PRKN: variants seen among roughly 807,000 people sequenced by gnomAD.
The protein encoded by PRKN is parkin RBR E3 ubiquitin protein ligase.
Under a neutral mutation model 59.5 loss-of-function variants are expected in PRKN, and 56 were observed. The observed-to-expected ratio is 0.94, with a 90% CI of 0.76 to 1.18. PRKN has a LOEUF of 1.18. PRKN is among the 50% of genes most tolerant of loss of function. PRKN has a pLI of 0.00. For synonymous variants in PRKN, 250 were observed against 222.1 expected (o/e 1.13, Z -1.12); for missense variants, 657 against 596.4 (o/e 1.10, Z -1.06).
At chr6:161,643,147 T>G (rs1783802410) in intron 7 of PRKN, among the ~76,000 whole-genome samples, 1 of 152,236 alleles carries the variant, frequency 6.6e-6, no homozygotes, top group Non-Finnish European at 1.5e-5. Context: ...TCTTTGCAAA[T>G]CACTCAACTT....
chr6:162,253,292 T>C (rs777991362), intron 3 of PRKN, among the ~76,000 whole-genome samples: 1 of 151,824 alleles, frequency 6.6e-6, no homozygotes, highest in Non-Finnish European at 1.5e-5. Context: ...TCTAATCTAA[T>C]CTAATCTAAT....
intron 6 of PRKN, among the ~76,000 whole-genome samples, chr6:161,825,274 C>T (rs1467268178): frequency 2.6e-5 from 4 of 152,112 alleles, no homozygotes; most frequent in African/African-American, 9.7e-5. Context: ...TTCCTGGTAT[C>T]TACTGAATTT....
intron 6 of PRKN, among the ~76,000 whole-genome samples, chr6:161,936,288 C>A (rs1380454833): frequency 6.7e-6 from 1 of 150,368 alleles, no homozygotes; most frequent in East Asian, 2.0e-4. Context: ...CGGCTCATTG[C>A]ACCACCACCT....
intron 1 of PRKN, among the ~76,000 whole-genome samples, chr6:162,710,374 A>AACATACACACACAC (rs1554264174): frequency 8.0e-6 from 1 of 125,242 alleles, no homozygotes; most frequent in South Asian, 2.7e-4. Flanking sequence ...ACCCCCTACA[A>AACATACACACACAC]ACACACACAC....
intron 1 of PRKN, among the ~76,000 whole-genome samples, chr6:162,445,561 G>A (rs571176633): frequency 6.6e-4 from 100 of 151,444 alleles, no homozygotes; most frequent in African/African-American, 2.3e-3. Flanking sequence ...GCGTGGTGGC[G>A]TGCACTTGCA....
intron 1 of PRKN, among the ~76,000 whole-genome samples, chr6:162,606,217 TA>T (rs1781907100): frequency 6.6e-6 from 1 of 152,160 alleles, no homozygotes; most frequent in Non-Finnish European, 1.5e-5. Flanking sequence ...TACATCCCAA[TA>T]AACCCAATAA....
At position 161,423,598 on chromosome 6, in the gene PRKN, C is replaced by G. The variant is rs539725441; in HGVS notation, c.1084-36721G>C. On this transcript the variant is annotated intron_variant, in intron 9 of 11. Transcript: ENST00000366898. This position sits in a 1 kb window ranked among gnomAD's most constrained non-coding sequence, Gnocchi z 5.9. ...ACAGATTTAGATGACTTGTCAATCC[C>G]AAGCTGGAATTCATAAAATTGGCTG... 6.6e-6 allele frequency among the ~76,000 whole-genome samples: 1 copy of G among 152,242 alleles called. No individual in the cohort carries two copies. Among genetic ancestry groups the G allele is most frequent in the Non-Finnish European group, 1.5e-5 (1 of 68,024 alleles).
chr6:161,496,626 A>G (rs958588750), intron 9 of PRKN, among the ~76,000 whole-genome samples: 1 of 152,218 alleles, frequency 6.6e-6, no homozygotes, highest in African/African-American at 2.4e-5. Context: ...CACCCCCATG[A>G]TTCAATTATC....
At chr6:162,259,046 C>T (rs758035238) in intron 3 of PRKN, among the ~76,000 whole-genome samples, 3 of 152,118 alleles carry the variant, frequency 2.0e-5, no homozygotes, top group Non-Finnish European at 4.4e-5. Flanking sequence ...TTATATTCTT[C>T]GAAGTTAAAA....
rs201039350 is a variant in PRKN, at chr6:162,054,183, A to T, written c.535-9T>A. The T allele has an allele frequency of 2.7e-4, 417 of 1,556,332 alleles. No homozygotes were observed. The highest frequency in any genetic ancestry group is 1.7e-4 in the Middle Eastern group (1 of 5,984). The stretch of plus-strand genomic sequence containing the variant: ...TCCCAGCAAGATGGACCCTTTGGGA[A>T]AAAACAACAATATATGCTTATATGA... On this transcript the variant is annotated splice_polypyrimidine_tract_variant and intron_variant, in intron 4 of 11. Transcript: ENST00000366898.
intron 6 of PRKN, among the ~76,000 whole-genome samples, chr6:161,890,949 T>C (rs573955321): frequency 8.6e-5 from 13 of 152,036 alleles, no homozygotes; most frequent in African/African-American, 3.1e-4. Flanking sequence ...CAGCAGAAAA[T>C]GAAGTGGGCT....
intron 2 of PRKN, among the ~76,000 whole-genome samples, chr6:162,295,266 G>A (rs1434992926): frequency 6.6e-6 from 1 of 152,186 alleles, no homozygotes; most frequent in African/African-American, 2.4e-5. Context: ...TTTAGGCTGT[G>A]TCCACTTAGG....
intron 2 of PRKN, among the ~76,000 whole-genome samples, chr6:162,329,449 T>C (rs1025914256): frequency 1.3e-5 from 2 of 152,114 alleles, no homozygotes; most frequent in Non-Finnish European, 2.9e-5. Context: ...TTAACAACCG[T>C]TGCAGCAGTA....
intron 4 of PRKN, among the ~76,000 whole-genome samples, chr6:162,180,241 C>T (rs1001858341): frequency 3.9e-5 from 6 of 152,034 alleles, no homozygotes; most frequent in Non-Finnish European, 8.8e-5. Context: ...TTGAAAGCTA[C>T]CAGAGACTAC....
chr6:162,241,682 A>G (rs986229491), intron 3 of PRKN, among the ~76,000 whole-genome samples: 1 of 152,126 alleles, frequency 6.6e-6, no homozygotes, highest in Non-Finnish European at 1.5e-5. Context: ...TAAACTTTGA[A>G]TGCTTCATCA....
intron 6 of PRKN, among the ~76,000 whole-genome samples, chr6:161,823,518 G>A (rs1038797335): frequency 5.3e-5 from 8 of 152,080 alleles, no homozygotes; most frequent in African/African-American, 1.2e-4. Context: ...GTTACCCTAG[G>A]AGAAGAAGAT....
At chr6:161,868,002 CCA>C (rs1438517495) in intron 6 of PRKN, among the ~76,000 whole-genome samples, 2 of 151,670 alleles carry the variant, frequency 1.3e-5, no homozygotes, top group Admixed American at 1.3e-4. Context: ...CTCAGGTGAT[CCA>C]CCACCCTCGG....
At chr6:162,403,756 T>A (rs923467874) in intron 2 of PRKN, among the ~76,000 whole-genome samples, 6 of 151,750 alleles carry the variant, frequency 4.0e-5, no homozygotes, top group African/African-American at 7.3e-5. Flanking sequence ...GGGATTGGAG[T>A]GGGGAGTGAC....
intron 5 of PRKN, among the ~76,000 whole-genome samples, chr6:162,011,950 A>G (rs1782739802): frequency 6.6e-6 from 1 of 152,040 alleles, no homozygotes; most frequent in African/African-American, 2.4e-5. Flanking sequence ...GTAGATATAT[A>G]TTTAGATAGC....
Sources: allele counts gnomAD v4.1 joint callset (sites outside exome capture counted in the v4.1 genomes callset), GRCh38; gene constraint gnomAD v4.1.1; non-coding constraint Gnocchi (gnomAD v3.1); transcripts MANE v1.5; gene names NCBI Gene and HGNC (gene_info 2026-07-23, HGNC 2026-07-21).